CRPPA: variants seen among roughly 807,000 people sequenced by gnomAD.
CRPPA encodes the protein CDP-L-ribitol pyrophosphorylase A.
Under a neutral mutation model 52.0 loss-of-function variants are expected in CRPPA, and 43 were observed. The ratio of observed to expected loss-of-function variants is 0.83; its 90% confidence interval spans 0.65 to 1.07. The LOEUF is 1.07. Ranked by LOEUF, CRPPA falls within the 50% of genes least tolerant of loss-of-function variation. The pLI, the probability that CRPPA is intolerant of heterozygous loss-of-function variation, is 0.00. For synonymous variants in CRPPA, 250 were observed against 203.5 expected, an observed-to-expected ratio of 1.23 and a Z score of -1.94; for missense variants, 629 against 551.7, an observed-to-expected ratio of 1.14 and a Z score of -1.40.
intron 8 of CRPPA, among the ~76,000 whole-genome samples, chr7:16,236,576 G>C (rs1245288039): frequency 6.6e-6 from 1 of 151,982 alleles, no homozygotes; most frequent in African/African-American, 2.4e-5. Flanking sequence ...TTCCATACAA[G>C]AACAGTTCAG....
At chr7:16,259,843 C>T (rs1783749079) in intron 6 of CRPPA, among the ~76,000 whole-genome samples, 1 of 151,866 alleles carries the variant, frequency 6.6e-6, no homozygotes, top group Non-Finnish European at 1.5e-5. Flanking sequence ...ACATCAAACT[C>T]TGTAACTCTG....
intron 3 of CRPPA, among the ~76,000 whole-genome samples, chr7:16,313,484 A>G (rs752912263): frequency 1.3e-4 from 19 of 151,918 alleles, no homozygotes; most frequent in Non-Finnish European, 2.4e-4. Context: ...TTGTCAAAGA[A>G]CCAGATTTTG....
rs1562608529 is a variant in CRPPA, at chr7:16,286,066, T to TA, written c.836-7841dup. Among the ~76,000 whole-genome samples, 171 of 25,824 alleles carry TA rather than the reference T, an allele frequency of 6.6e-3. 5 individuals carry two copies. The highest frequency in any genetic ancestry group is 8.1e-3 in the Non-Finnish European group (118 of 14,592). The allele number at this position is 25,824 out of a possible 152,430, so 16.9% of individuals were successfully genotyped here. ...ATAAATATATATATATATATATATA[T>TA]ATATATATATATATAATATTTAAAA... On this transcript the variant is annotated intron_variant, in intron 5 of 9. Transcript: ENST00000407010.
At chr7:16,105,529 T>C (rs1168926524) in intron 9 of CRPPA, among the ~76,000 whole-genome samples, 1 of 152,122 alleles carries the variant, frequency 6.6e-6, no homozygotes, top group Non-Finnish European at 1.5e-5. Flanking sequence ...ATGTCATGAC[T>C]ACACCACTTG....
At chr7:16,385,784 C>G (rs1247000009) in intron 2 of CRPPA, among the ~76,000 whole-genome samples, 2 of 152,194 alleles carry the variant, frequency 1.3e-5, no homozygotes, top group African/African-American at 4.8e-5. Flanking sequence ...CCTGACCCCC[C>G]CTCACAGGAC....
chr7:16,258,021 T>G (rs984884049), intron 8 of CRPPA, among the ~76,000 whole-genome samples: 1 of 152,132 alleles, frequency 6.6e-6, no homozygotes, highest in African/African-American at 2.4e-5. Flanking sequence ...GGTTTTTTCC[T>G]CACATTAACA....
chr7:16,391,731 C>T (rs542233834), intron 2 of CRPPA, among the ~76,000 whole-genome samples: 20 of 152,208 alleles, frequency 1.3e-4, no homozygotes, highest in African/African-American at 4.8e-4. Flanking sequence ...ACAGCAGTGC[C>T]CTAGAATGTT....
intron 2 of CRPPA, among the ~76,000 whole-genome samples, chr7:16,399,370 C>G (rs1272399984): frequency 6.6e-6 from 1 of 151,786 alleles, no homozygotes; most frequent in Non-Finnish European, 1.5e-5. Flanking sequence ...TGACGTGACA[C>G]ATTTGTGACA....
Position 16,091,629 on chromosome 7 carries a change from G to T in CRPPA, c.*66C>A. ...AAACATTCTACCACACACAGCAGCG[G>T]GGGCACAAAGCACAATTAAGATACG... is the stretch of plus-strand genomic sequence containing the variant. On this transcript the variant is annotated 3_prime_UTR_variant, in exon 10 of 10. Transcript: ENST00000407010. 3.7e-6 allele frequency: 3 copies of T among 814,872 alleles called. No homozygotes were observed. Among genetic ancestry groups the T allele is most frequent in the Non-Finnish European group, 6.1e-6 (3 of 495,166 alleles). 50.5% of individuals were successfully genotyped at this position (814,872 alleles called of 1,614,324 possible).
At chr7:16,190,621 A>AT (rs1003214905) in intron 9 of CRPPA, among the ~76,000 whole-genome samples, 1 of 151,908 alleles carries the variant, frequency 6.6e-6, no homozygotes, top group Non-Finnish European at 1.5e-5. Context: ...GGAACTAGTA[A>AT]TTTTTTTTCA....
chr7:16,354,136 C>A (rs1007518879), intron 3 of CRPPA, among the ~76,000 whole-genome samples: 1 of 152,092 alleles, frequency 6.6e-6, no homozygotes, highest in Non-Finnish European at 1.5e-5. Flanking sequence ...ACTGTCAGGT[C>A]ACATTGTAAG....
Position 16,336,474 on chromosome 7 carries a change from T to C in CRPPA, c.685-27847A>G, listed in dbSNP as rs1014756540. Reference sequence around the variant, plus strand: ...AGCCTTATAACTACAAAGCCAAACCTATATTATAGCTGTACAAAATATAAA... The same window carrying C: ...AGCCTTATAACTACAAAGCCAAACCCATATTATAGCTGTACAAAATATAAA... On this transcript the variant is annotated intron_variant, in intron 3 of 9. Transcript: ENST00000407010. Among the ~76,000 whole-genome samples the C allele has an allele frequency of 2.0e-5, 3 of 151,238 alleles. No individual in the cohort carries two copies. In the South Asian group the frequency reaches 6.3e-4, roughly 32 times the overall value.
chr7:16,213,625 C>T (rs1021560052), intron 9 of CRPPA, among the ~76,000 whole-genome samples: 2 of 151,540 alleles, frequency 1.3e-5, no homozygotes, highest in African/African-American at 2.4e-5. Flanking sequence ...GGCGGGCACC[C>T]ATAATCCCAG....
intron 2 of CRPPA, among the ~76,000 whole-genome samples, chr7:16,386,051 T>C (rs977117560): frequency 2.6e-5 from 4 of 152,202 alleles, no homozygotes; most frequent in Non-Finnish European, 2.9e-5. Flanking sequence ...TCCAGGTCCC[T>C]GTCCAGTGTC....
intron 5 of CRPPA, among the ~76,000 whole-genome samples, chr7:16,291,169 C>T (rs566867904): frequency 7.2e-5 from 11 of 151,990 alleles, no homozygotes; most frequent in East Asian, 5.8e-4. Flanking sequence ...AACTCTTATA[C>T]GCTGCTAGTG....
intron 9 of CRPPA, among the ~76,000 whole-genome samples, chr7:16,112,275 A>G (rs1160754592): frequency 6.6e-6 from 1 of 152,114 alleles, no homozygotes; most frequent in East Asian, 1.9e-4. Context: ...AGATTGTGCC[A>G]CTGCACTACA....
chr7:16,157,419 C>T (rs980386031), intron 9 of CRPPA, among the ~76,000 whole-genome samples: 8 of 151,804 alleles, frequency 5.3e-5, no homozygotes, highest in African/African-American at 1.9e-4. Context: ...ATTATATTAA[C>T]GAAATATTAA....
chr7:16,183,804 T>A (rs1583414156), intron 9 of CRPPA, among the ~76,000 whole-genome samples: 1 of 152,184 alleles, frequency 6.6e-6, no homozygotes, highest in African/African-American at 2.4e-5. Flanking sequence ...CCAATAAGGT[T>A]AGGTTTGGTC....
At chr7:16,333,298 C>G (rs1785600870) in intron 3 of CRPPA, among the ~76,000 whole-genome samples, 1 of 152,118 alleles carries the variant, frequency 6.6e-6, no homozygotes, top group East Asian at 1.9e-4. Flanking sequence ...ACTACTTCAT[C>G]CAACATCATC....
Sources: gnomAD v4.1 joint callset for allele counts (sites outside exome capture counted in the v4.1 genomes callset) on GRCh38, gnomAD v4.1.1 for gene constraint, MANE v1.5 for transcripts, NCBI Gene and HGNC (gene_info 2026-07-23, HGNC 2026-07-21) for gene names.